The following ETV6 variants were observed in gnomAD, a reference collection of about 807,000 sequenced individuals.
ETV6 encodes the protein ETS variant transcription factor 6.
A neutral mutation model predicts 51.1 loss-of-function variants in ETV6; 16 were observed. That is an observed-to-expected ratio of 0.31 (90% confidence interval 0.21 to 0.48). The LOEUF (loss-of-function observed/expected upper bound fraction) is 0.48, where lower values mean the gene tolerates loss of function less well. Among genes scored for constraint, ETV6 ranks in the 20% least tolerant of loss-of-function variants. The probability of loss-of-function intolerance (pLI) is 0.99; values close to 1 mark genes in which losing one functional copy is unlikely to be tolerated. For missense variants in ETV6, 458 were observed against 594.8 expected (o/e 0.77, Z 2.39); for synonymous variants, 240 against 224.1 (o/e 1.07, Z -0.64).
intron 1 of ETV6, among the ~76,000 whole-genome samples, chr12:11,653,480 A>G (rs569296920): frequency 5.3e-5 from 8 of 152,174 alleles, no homozygotes; most frequent in Non-Finnish European, 8.8e-5. Flanking sequence ...AAATTTTGCT[A>G]CTAACTGGGA....
chr12:11,696,591 G>A (rs1347304574), intron 1 of ETV6, among the ~76,000 whole-genome samples: 1 of 152,170 alleles, frequency 6.6e-6, no homozygotes, highest in Non-Finnish European at 1.5e-5. Flanking sequence ...GCCGAGGCAA[G>A]AGGATCACTT....
intron 1 of ETV6, among the ~76,000 whole-genome samples, chr12:11,744,954 G>A (rs1865880686): frequency 6.6e-6 from 1 of 151,474 alleles, no homozygotes; most frequent in South Asian, 2.1e-4. Context: ...AGAATGGAAA[G>A]TATCTTAATT....
Position 11,842,534 on chromosome 12 carries a change from G to A in ETV6, c.328+3230G>A, listed in dbSNP as rs527580864. ...GGCAGTGATTGTGTTCTATTAAGTC[G>A]CCAAGTCTCCAGTACCTAACACCAG... On this transcript the variant is annotated intron_variant, in intron 3 of 7. Transcript: ENST00000396373. Among the ~76,000 whole-genome samples the A allele has an allele frequency of 9.2e-5, 14 of 152,156 alleles. No homozygotes were observed. In the South Asian group the frequency reaches 1.2e-3, roughly 14 times the overall value.
intron 1 of ETV6, among the ~76,000 whole-genome samples, chr12:11,734,167 G>A (rs1268290013): frequency 2.0e-5 from 3 of 152,178 alleles, no homozygotes; most frequent in African/African-American, 7.2e-5. Flanking sequence ...CTAAAAAACA[G>A]TTTGCAGAGG....
chr12:11,815,447 T>A (rs528427559), intron 2 of ETV6, among the ~76,000 whole-genome samples: 1 of 152,318 alleles, frequency 6.6e-6, no homozygotes, highest in East Asian at 1.9e-4. Flanking sequence ...CACCTCTGAT[T>A]TGCAAGTTGG....
intron 1 of ETV6, among the ~76,000 whole-genome samples, chr12:11,657,852 C>G (rs74062345): frequency 3.3e-5 from 5 of 152,200 alleles, no homozygotes; most frequent in African/African-American, 1.2e-4. Context: ...TTCTTTGGTT[C>G]TTACCTGTAA....
intron 1 of ETV6, among the ~76,000 whole-genome samples, chr12:11,664,306 CAG>C (rs1334201846): frequency 2.0e-5 from 3 of 152,192 alleles, no homozygotes; most frequent in Admixed American, 1.3e-4. Flanking sequence ...GCTAGCCTGG[CAG>C]AGTCTTATTG....
chr12:11,837,027 T>C (rs1946327045), intron 2 of ETV6, among the ~76,000 whole-genome samples: 1 of 152,192 alleles, frequency 6.6e-6, no homozygotes, highest in East Asian at 1.9e-4. Context: ...GAGTTAGGTT[T>C]AAGGTTTTTA....
At chr12:11,762,216 C>G (rs1945095706) in intron 2 of ETV6, among the ~76,000 whole-genome samples, 1 of 152,226 alleles carries the variant, frequency 6.6e-6, no homozygotes, top group South Asian at 2.1e-4. Context: ...ACCTTACAGC[C>G]AGATCACAGG....
rs984925448 is a variant in ETV6 at position 11,742,866 on chromosome 12, G to GCA, written c.34-9581_34-9580dup. Among the ~76,000 whole-genome samples, 9 of 140,906 alleles carry GCA rather than the reference G, an allele frequency of 6.4e-5. No individual in the cohort carries two copies. The South Asian group carries it at 6.7e-4, about 10-fold the overall frequency. The allele number at this position is 140,906 out of a possible 152,430, so 92.4% of individuals were successfully genotyped here. A position where few individuals can be genotyped will look rare whatever the true frequency, so the allele number is the denominator to read the frequency against. On this transcript the variant is annotated intron_variant, in intron 1 of 7. Coordinates refer to ENST00000396373, the MANE Select transcript of ETV6 (RefSeq NM_001987.5). Reference sequence around the variant, plus strand: ...CTGTCGCCCTGGCTGGAGTGCAGTAGCACAATCACAGCTCACTGTAGCCTC... The same window carrying GCA: ...CTGTCGCCCTGGCTGGAGTGCAGTAGCACACAATCACAGCTCACTGTAGCCTC...
chr12:11,766,061 G>A (rs1945156760), intron 2 of ETV6, among the ~76,000 whole-genome samples: 1 of 152,210 alleles, frequency 6.6e-6, no homozygotes, highest in Admixed American at 6.5e-5. Flanking sequence ...GGAGAATGAA[G>A]AAGCAGGAGG....
chr12:11,796,427 A>G (rs985617431), intron 2 of ETV6, among the ~76,000 whole-genome samples: 6 of 152,204 alleles, frequency 3.9e-5, no homozygotes, highest in Admixed American at 1.3e-4. Context: ...GGAGACACAG[A>G]TGACTTGTCC....
intron 1 of ETV6, among the ~76,000 whole-genome samples, chr12:11,658,530 C>CG (rs1864044385): frequency 6.6e-6 from 1 of 152,206 alleles, no homozygotes; most frequent in South Asian, 2.1e-4. Context: ...CCACTGTCCC[C>CG]GGCCCCCGGC....
intron 1 of ETV6, among the ~76,000 whole-genome samples, chr12:11,720,651 C>T (rs371518277): frequency 1.3e-5 from 2 of 152,188 alleles, no homozygotes; most frequent in African/African-American, 4.8e-5. Flanking sequence ...AAAAACCCCT[C>T]TTGACACTAG....
rs1158946611 is a variant in ETV6 at position 11,859,168 on chromosome 12, G to T, written c.463+5607G>T. Among the ~76,000 whole-genome samples, 2 of 96,160 alleles carry T rather than the reference G, an allele frequency of 2.1e-5. 1 individual carries two copies. The highest frequency in any genetic ancestry group is 3.6e-5 in the Non-Finnish European group (2 of 56,136). 63.1% of individuals were successfully genotyped at this position (96,160 alleles called of 152,430 possible). A position where few individuals can be genotyped will look rare whatever the true frequency, so the allele number is the denominator to read the frequency against. On this transcript the variant is annotated intron_variant, in intron 4 of 7. Transcript: ENST00000396373. ...TTTTTTTTTTTTTTTTTGAGAAGGA[G>T]TCTTGCTCTGTCGCCCAGGCTGGAG...
chr12:11,837,084 C>T (rs932911977), intron 2 of ETV6, among the ~76,000 whole-genome samples: 2 of 152,168 alleles, frequency 1.3e-5, no homozygotes, highest in African/African-American at 4.8e-5. Flanking sequence ...ACTGCCACTC[C>T]CACCTCCCTG....
chr12:11,751,820 G>T, intron 1 of ETV6: 1 of 506,914 alleles, frequency 2.0e-6, no homozygotes, highest in Non-Finnish European at 3.9e-6. Flanking sequence ...ATTCATTATT[G>T]TTGCAGATAA....
intron 4 of ETV6, among the ~76,000 whole-genome samples, chr12:11,855,230 C>T (rs574786662): frequency 5.3e-5 from 8 of 152,150 alleles, no homozygotes; most frequent in South Asian, 2.1e-4. Context: ...GGAGTGAACC[C>T]GGGAGGTGGA....
chr12:11,853,473 A>G lies in ETV6; in HGVS notation c.375A>G (p.Lys125=). 6.2e-7 allele frequency: 1 copy of G among 1,613,842 alleles called. No individual in the cohort carries two copies. Among genetic ancestry groups the G allele is most frequent in the Non-Finnish European group, 8.5e-7 (1 of 1,179,802 alleles). Residue 125 remains lysine (K), a synonymous_variant, in exon 4 of 8, where the codon AAA becomes AAG. Coordinates refer to ENST00000396373, the MANE Select transcript of ETV6 (RefSeq NM_001987.5). ...TTCAGCATATTCTGAAGCAGAGGAA[A>G]CCTCGGATTCTTTTTTCACCATTCT... ...ELLQHILKQR[K]PRILFSPFFH...
Sources: allele counts gnomAD v4.1 joint callset (sites outside exome capture counted in the v4.1 genomes callset), GRCh38; gene constraint gnomAD v4.1.1; transcripts MANE v1.5; gene names NCBI Gene and HGNC (gene_info 2026-07-23, HGNC 2026-07-21).